Variants in ZSCAN5A observed in about 807,000 individuals in gnomAD.
ZSCAN5A encodes zinc finger and SCAN domain containing 5A.
ZSCAN5A carries 12 observed loss-of-function variants against 23.7 expected under a neutral mutation model. The ratio of observed to expected loss-of-function variants is 0.51; its 90% CI spans 0.32 to 0.82. ZSCAN5A has a LOEUF of 0.82. Among genes scored for constraint, ZSCAN5A ranks in the 40% least tolerant of loss-of-function variants. The pLI is 0.03. For missense variants in ZSCAN5A, 597 were observed against 617.9 expected (o/e 0.97, Z 0.36); for synonymous variants, 257 against 239.9 (o/e 1.07, Z -0.66).
At chr19:56,248,839 C>T (rs921262363) in intron 2 of ZSCAN5A, among the ~76,000 whole-genome samples, 1 of 151,986 alleles carries the variant, frequency 6.6e-6, no homozygotes, top group Non-Finnish European at 1.5e-5. Context: ...CGCCCAGCAT[C>T]CCCAGCAGAG....
intron 2 of ZSCAN5A, among the ~76,000 whole-genome samples, chr19:56,275,226 C>T (rs11670857): frequency 0.42 from 63,922 of 151,980 alleles, 14,594 homozygotes; most frequent in Non-Finnish European, 0.51. Context: ...ATACCCTGTT[C>T]TCCTCCAATT....
At chr19:56,315,971 A>G (rs914547367), upstream of ZSCAN5A, 1 of 152,142 alleles carries the variant, frequency 6.6e-6, no homozygotes, top group Non-Finnish European at 1.5e-5. Flanking sequence ...GTCTTTGTGT[A>G]TTGATCTGCA....
At chr19:56,275,874 T>C (rs913734466) in intron 2 of ZSCAN5A, among the ~76,000 whole-genome samples, 1 of 152,094 alleles carries the variant, frequency 6.6e-6, no homozygotes, top group African/African-American at 2.4e-5. Flanking sequence ...TGAATGTTGG[T>C]TGGATGGATG....
Position 56,222,690 on chromosome 19 carries a change from A to C in ZSCAN5A, c.640T>G (p.Ser214Ala), listed in dbSNP as rs576450386. 15 of 1,613,972 alleles carry C rather than the reference A, an allele frequency of 9.3e-6. No individual in the cohort carries two copies. In the East Asian group the frequency reaches 3.1e-4, roughly 34 times the overall value. Residue 214 changes from serine to alanine, a missense_variant, in exon 5 of 6, where the codon TCT (serine) becomes GCT (alanine). Transcript: ENST00000683990. ...TCCAAGGTCTGCTTGGGTCTCAGAGACTTTGGGTCACCTGTTACGTCAATA... is the reference window on the plus strand; with the variant it reads ...TCCAAGGTCTGCTTGGGTCTCAGAGCCTTTGGGTCACCTGTTACGTCAATA... ...KSIDVTGDPK[S>A]LRPKQTLEKD...
At chr19:56,229,741 T>C (rs549282051) in intron 2 of ZSCAN5A, among the ~76,000 whole-genome samples, 1 of 152,326 alleles carries the variant, frequency 6.6e-6, no homozygotes, top group East Asian at 1.9e-4. Flanking sequence ...CTTTCCATTT[T>C]TGGTGGTCTT....
intron 2 of ZSCAN5A, among the ~76,000 whole-genome samples, chr19:56,253,651 T>C (rs968992705): frequency 6.6e-6 from 1 of 152,064 alleles, no homozygotes; most frequent in African/African-American, 2.4e-5. Flanking sequence ...GTTTTGAACG[T>C]TGGGATGTCA....
chr19:56,278,984 C>G (rs886616610), intron 2 of ZSCAN5A, among the ~76,000 whole-genome samples: 2 of 152,318 alleles, frequency 1.3e-5, no homozygotes. Flanking sequence ...CAACTCACAC[C>G]CCAATATCCT....
In ZSCAN5A at chr19:56,357,461, C is replaced by T. The variant is rs1443462514; in HGVS notation, c.-358+5774G>A. Among the ~76,000 whole-genome samples, 12 of 147,834 alleles carry T rather than the reference C, an allele frequency of 8.1e-5. 1 individual carries two copies. The highest frequency in any genetic ancestry group is 1.6e-4 in the Non-Finnish European group (11 of 67,098). On this transcript the variant is annotated intron_variant, in intron 2 of 6. Transcript: ENST00000587340. ...CAACTGGGACTCCCTCACCCCAAAC[C>T]TTCACCCATCTTTATGTTGGGAACA...
chr19:56,258,784 T>G (rs1330950187), intron 2 of ZSCAN5A, among the ~76,000 whole-genome samples: 2 of 152,150 alleles, frequency 1.3e-5, no homozygotes, highest in Non-Finnish European at 2.9e-5. Context: ...GTGACTTGCT[T>G]GTCTCCAACA....
chr19:56,347,610 CA>C (rs1273106316), intron 2 of ZSCAN5A: 1 of 152,098 alleles, frequency 6.6e-6, no homozygotes, highest in Non-Finnish European at 1.5e-5. Flanking sequence ...TATAATGGAC[CA>C]AAAGCCAGAT....
At chr19:56,366,516 G>T (rs1336112169) in intron 1 of ZSCAN5A, among the ~76,000 whole-genome samples, 1 of 151,508 alleles carries the variant, frequency 6.6e-6, no homozygotes, top group Non-Finnish European at 1.5e-5. Flanking sequence ...CCAGTAGCCT[G>T]AATTCTTAAC....
At chr19:56,271,287 C>T (rs531009132) in intron 2 of ZSCAN5A, among the ~76,000 whole-genome samples, 1 of 152,320 alleles carries the variant, frequency 6.6e-6, no homozygotes, top group South Asian at 2.1e-4. Flanking sequence ...TAAGCTTTCC[C>T]ACTACCCTGC....
chr19:56,232,720 C>T (rs1342361781), intron 2 of ZSCAN5A, among the ~76,000 whole-genome samples: 2 of 151,808 alleles, frequency 1.3e-5, no homozygotes, highest in African/African-American at 2.4e-5. Flanking sequence ...GCTCTGTTGC[C>T]CAGGCTGAAG....
intron 2 of ZSCAN5A, chr19:56,284,051 C>T: frequency 3.0e-6 from 1 of 338,782 alleles, no homozygotes; most frequent in Non-Finnish European, 4.2e-6. Flanking sequence ...GATTCTACTT[C>T]CCAATCTGTT....
intron 2 of ZSCAN5A, among the ~76,000 whole-genome samples, chr19:56,359,196 GA>G (rs532855078): frequency 4.7e-5 from 7 of 149,546 alleles, no homozygotes; most frequent in Non-Finnish European, 1.0e-4. Flanking sequence ...GACTAATAAA[GA>G]AAAAAAGACA....
intron 2 of ZSCAN5A, among the ~76,000 whole-genome samples, chr19:56,273,206 G>A (rs911123114): frequency 2.0e-5 from 3 of 152,172 alleles, no homozygotes; most frequent in Admixed American, 6.5e-5. Context: ...TCTGACCAAC[G>A]GGGCTCACAA....
At chr19:56,241,429 T>A (rs757928787) in intron 2 of ZSCAN5A, among the ~76,000 whole-genome samples, 2 of 152,232 alleles carry the variant, frequency 1.3e-5, no homozygotes, top group African/African-American at 4.8e-5. Context: ...CATATTTGTA[T>A]GCTTTTTTCA....
intron 2 of ZSCAN5A, among the ~76,000 whole-genome samples, chr19:56,294,007 C>G (rs1374337957): frequency 6.6e-6 from 1 of 152,234 alleles, no homozygotes; most frequent in Non-Finnish European, 1.5e-5. Flanking sequence ...CTGCAGGAGG[C>G]CCCTCTGCCT....
At position 56,239,848 on chromosome 19, in the gene ZSCAN5A, G is replaced by C. The variant is rs546265928; in HGVS notation, c.-127-14675C>G. On this transcript the variant is annotated intron_variant, in intron 2 of 5. Coordinates refer to ENST00000683990, the MANE Select transcript of ZSCAN5A (RefSeq NM_001322064.3). ...GGATATTACTGTCTGTGTGGCGCGA[G>C]GGGACCCAAAGTGATTAAAACTTGT... is the stretch of plus-strand genomic sequence containing the variant. 9.0e-4 allele frequency among the ~76,000 whole-genome samples: 137 copies of C among 152,208 alleles called. 2 individuals carry two copies. The highest frequency in any genetic ancestry group is 1.0e-3 in the Non-Finnish European group (68 of 68,014).
Sources: gnomAD v4.1 joint callset for allele counts (sites outside exome capture counted in the v4.1 genomes callset) on GRCh38, gnomAD v4.1.1 for gene constraint, MANE v1.5 for transcripts, NCBI Gene and HGNC (gene_info 2026-07-23, HGNC 2026-07-21) for gene names.